Variants in PREP observed in about 807,000 individuals in gnomAD.
The protein encoded by PREP is prolyl endopeptidase.
A neutral mutation model predicts 87.6 loss-of-function variants in PREP; 29 were observed. The ratio of observed to expected loss-of-function variants is 0.33; its 90% confidence interval spans 0.25 to 0.45. The LOEUF is 0.45. PREP is among the 20% of genes least tolerant of loss of function. The pLI, the probability that PREP is intolerant of heterozygous loss-of-function variation, is 1.00. For missense variants in PREP, 695 were observed against 886.5 expected, an observed-to-expected ratio of 0.78 and a Z score of 2.74; for synonymous variants, 337 against 328.6, an observed-to-expected ratio of 1.03 and a Z score of -0.28.
intron 12 of PREP, among the ~76,000 whole-genome samples, chr6:105,283,503 T>G (rs372568048): frequency 8.5e-5 from 13 of 152,342 alleles, no homozygotes; most frequent in Admixed American, 5.2e-4. Context: ...CCTACTGAAA[T>G]GTTTTTCATA....
intron 10 of PREP, among the ~76,000 whole-genome samples, chr6:105,313,035 C>A (rs1222519647): frequency 6.6e-6 from 1 of 152,156 alleles, no homozygotes; most frequent in Non-Finnish European, 1.5e-5. Flanking sequence ...ATAACTATGA[C>A]AACATTTCTG....
chr6:105,285,658 G>C, intron 11 of PREP, 78 bp from the exon 12 acceptor site: 1 of 1,154,340 alleles, frequency 8.7e-7, no homozygotes, highest in East Asian at 2.4e-5. Flanking sequence ...TCTCAAAAAA[G>C]TGTATGCCCA....
rs1246962988 is a variant in PREP, at chr6:105,274,005, C to A, written c.*4139G>T. 3.9e-5 allele frequency among the ~76,000 whole-genome samples: 6 copies of A among 152,218 alleles called. No individual in the cohort carries two copies. The highest frequency in any genetic ancestry group is 5.9e-5 in the Non-Finnish European group (4 of 68,042). ...TTCCTTCTCACGGACTATTCATTTG[C>A]CCCACTTTGTTTCTTCACAGCTCTT... is the stretch of plus-strand genomic sequence containing the variant. On this transcript the variant is annotated 3_prime_UTR_variant, in exon 15 of 15. Transcript: ENST00000652536.
chr6:105,326,170 T>G (rs1447235236), intron 9 of PREP, among the ~76,000 whole-genome samples: 1 of 152,214 alleles, frequency 6.6e-6, no homozygotes, highest in East Asian at 1.9e-4. Context: ...TGCCTTTCCC[T>G]GATATCCGTG....
intron 2 of PREP, among the ~76,000 whole-genome samples, chr6:105,392,032 A>G (rs1773162201): frequency 6.7e-6 from 1 of 149,264 alleles, no homozygotes; most frequent in African/African-American, 2.5e-5. Flanking sequence ...CTACTTATCT[A>G]GTCTTCAAAT....
intron 7 of PREP, among the ~76,000 whole-genome samples, chr6:105,340,265 A>G (rs1011777809): frequency 6.6e-6 from 1 of 152,212 alleles, no homozygotes; most frequent in South Asian, 2.1e-4. Context: ...ACAATTTTCA[A>G]CCCAGAATTT....
intron 10 of PREP, among the ~76,000 whole-genome samples, chr6:105,295,489 T>C (rs1459732255): frequency 6.6e-6 from 1 of 152,138 alleles, no homozygotes; most frequent in Non-Finnish European, 1.5e-5. Flanking sequence ...CATCTCCATC[T>C]TCCTAATCAT....
intron 4 of PREP, among the ~76,000 whole-genome samples, chr6:105,374,843 G>C (rs1019430083): frequency 6.6e-6 from 1 of 151,774 alleles, no homozygotes; most frequent in African/African-American, 2.4e-5. Context: ...ACTGTTTGAG[G>C]CAGGTCTCAT....
intron 8 of PREP, 110 bp from the exon 9 acceptor site, chr6:105,329,136 C>A: frequency 9.9e-7 from 1 of 1,013,030 alleles, no homozygotes; most frequent in Non-Finnish European, 1.5e-6. Flanking sequence ...AGCAATGAGA[C>A]TTGCAAAGTC....
At chr6:105,297,688 A>G (rs941640514) in intron 10 of PREP, among the ~76,000 whole-genome samples, 2 of 152,234 alleles carry the variant, frequency 1.3e-5, no homozygotes, top group Non-Finnish European at 2.9e-5. Flanking sequence ...CACTTGAGTA[A>G]TAGGAAAAGT....
rs1030930258 is a variant in PREP, at chr6:105,307,933, A to G, written c.1317+15732T>C. 2.0e-5 allele frequency among the ~76,000 whole-genome samples: 3 copies of G among 152,138 alleles called. No individual in the cohort carries two copies. The South Asian group carries it at 6.2e-4, about 32-fold the overall frequency. The stretch of plus-strand genomic sequence containing the variant: ...CGGCCACACTCAGTCATTCTTAGAC[A>G]CTTACTGTGATTTCTCACTTGAAAA... On this transcript the variant is annotated intron_variant, in intron 10 of 14. Coordinates refer to ENST00000652536, the MANE Select transcript of PREP (RefSeq NM_002726.5).
intron 7 of PREP, among the ~76,000 whole-genome samples, chr6:105,333,757 T>C (rs1055079412): frequency 2.0e-5 from 3 of 152,134 alleles, no homozygotes; most frequent in Non-Finnish European, 4.4e-5. Context: ...CCACAAGATC[T>C]GGTAAATCCT....
rs184761678 is a variant in PREP at position 105,341,715 on chromosome 6, T to C, written c.824-8210A>G. Among the ~76,000 whole-genome samples, 743 of 152,264 alleles carry C rather than the reference T, an allele frequency of 4.9e-3. 9 individuals are homozygous for C. The highest frequency in any genetic ancestry group is 0.017 in the African/African-American group (701 of 41,568). On this transcript the variant is annotated intron_variant, in intron 7 of 14. Coordinates refer to ENST00000652536, the MANE Select transcript of PREP (RefSeq NM_002726.5). ...AAAATGATAAAGGGGATATCACCAC[T>C]GATCCCACAGAAATACAAACTACCA...
chr6:105,346,494 A>G (rs1771801738), intron 7 of PREP, among the ~76,000 whole-genome samples: 1 of 152,268 alleles, frequency 6.6e-6, no homozygotes, highest in Non-Finnish European at 1.5e-5. Context: ...GGTACTGAAT[A>G]CTTTATCAAT....
chr6:105,278,644 C>G lies in PREP; in HGVS notation c.1839-206G>C, dbSNP rs893862995. Among the ~76,000 whole-genome samples the G allele has an allele frequency of 6.6e-6, 1 of 152,196 alleles. No homozygotes were observed. Among genetic ancestry groups the G allele is most frequent in the Non-Finnish European group, 1.5e-5 (1 of 68,040 alleles). On this transcript the variant is annotated intron_variant, in intron 14 of 14. Coordinates refer to ENST00000652536, the MANE Select transcript of PREP (RefSeq NM_002726.5). This position sits in a 1 kb window ranked among gnomAD's most constrained non-coding sequence, Gnocchi z 4.2. ...AGCTGTGTCATTTATGTGGCTCCAA[C>G]TTTGAAAGACTGTAGGAAGGAAGCT...
Position 105,393,585 on chromosome 6 carries a change from C to T in PREP, c.120+4268G>A, listed in dbSNP as rs72939764. Among the ~76,000 whole-genome samples the T allele has an allele frequency of 6.9e-3, 1,057 of 152,278 alleles. 6 individuals carry two copies. The highest frequency in any genetic ancestry group is 0.011 in the Non-Finnish European group (743 of 68,028). On this transcript the variant is annotated intron_variant, in intron 2 of 14. Transcript: ENST00000652536. The stretch of plus-strand genomic sequence containing the variant: ...TTTGTAAAGAAACAGAGGAGCAGCG[C>T]TGTCCAGTAGATACATTATGCAAGC...
chr6:105,299,128 G>C (rs948601146), intron 10 of PREP, among the ~76,000 whole-genome samples: 2 of 152,170 alleles, frequency 1.3e-5, no homozygotes, highest in Admixed American at 6.5e-5. Flanking sequence ...TGTGCCACCT[G>C]GTAAACAAAA....
chr6:105,368,711 T>C (rs1772458660), intron 6 of PREP, among the ~76,000 whole-genome samples, 192 bp downstream of exon 6: 1 of 152,230 alleles, frequency 6.6e-6, no homozygotes, highest in Non-Finnish European at 1.5e-5. Context: ...TTAAGAGTAA[T>C]AGGTTGAGAT....
chr6:105,353,883 T>C (rs1351100527), intron 6 of PREP, among the ~76,000 whole-genome samples: 1 of 152,172 alleles, frequency 6.6e-6, no homozygotes, highest in Non-Finnish European at 1.5e-5. Context: ...TTATGCATAT[T>C]TTTAGTCCCT....
Sources: gnomAD v4.1 joint callset for allele counts (sites outside exome capture counted in the v4.1 genomes callset) on GRCh38, gnomAD v4.1.1 for gene constraint, Gnocchi (gnomAD v3.1) non-coding constraint, MANE v1.5 for transcripts, NCBI Gene and HGNC (gene_info 2026-07-23, HGNC 2026-07-21) for gene names.